MEGF6: variants seen among roughly 807,000 people sequenced by gnomAD.
MEGF6 encodes multiple EGF like domains 6, also known as multiple epidermal growth factor-like domains protein 6.
Under a neutral mutation model 207.1 loss-of-function variants are expected in MEGF6, and 184 were observed. The ratio of observed to expected loss-of-function variants is 0.89; its 90% CI spans 0.79 to 1.00. MEGF6 has a LOEUF of 1.00. Among genes scored for constraint, MEGF6 ranks in the 50% least tolerant of loss-of-function variants. The pLI is 0.00. For synonymous variants in MEGF6, 1,038 were observed against 910.0 expected (o/e 1.14, Z -2.53); for missense variants, 2,282 against 2,202.9 (o/e 1.04, Z -0.72).
chr1:3,531,694 G>A (rs1015188688), intron 4 of MEGF6, among the ~76,000 whole-genome samples: 5 of 152,206 alleles, frequency 3.3e-5, no homozygotes, highest in African/African-American at 9.7e-5. Context: ...GCACACAGGA[G>A]GTACACAGAC....
intron 8 of MEGF6, 120 bp downstream of exon 8, chr1:3,511,886 C>T (rs936001170): frequency 2.2e-5 from 34 of 1,511,774 alleles, no homozygotes; most frequent in Non-Finnish European, 2.9e-5. Flanking sequence ...AGGGCTCACA[C>T]CCAGGGCTGC....
At chr1:3,591,798 ATGGGGG>A (rs1643983653) in intron 3 of MEGF6, among the ~76,000 whole-genome samples, 1 of 76,942 alleles carries the variant, frequency 1.3e-5, no homozygotes, top group South Asian at 6.2e-4. Context: ...AAGGGACCGG[ATGGGGG>A]CACCAGCGAG....
At chr1:3,601,672 T>C (rs551689466) in intron 2 of MEGF6, among the ~76,000 whole-genome samples, 29 of 152,350 alleles carry the variant, frequency 1.9e-4, no homozygotes, top group South Asian at 6.2e-4. Flanking sequence ...GAACTGCCCC[T>C]GAGTGAGAAC....
At chr1:3,517,106 T>G (rs1641570708) in intron 5 of MEGF6, among the ~76,000 whole-genome samples, 1 of 152,186 alleles carries the variant, frequency 6.6e-6, no homozygotes, top group South Asian at 2.1e-4. Flanking sequence ...CCAGGGGCCC[T>G]GTTTATTGTG....
At chr1:3,505,395 G>GC (rs1267960629) in intron 16 of MEGF6, 27 bp downstream of exon 16, 2 of 1,520,204 alleles carry the variant, frequency 1.3e-6, no homozygotes, top group African/African-American at 3.0e-5. Flanking sequence ...GGCGCCCCCC[G>GC]CCCCCAGACC....
chr1:3,497,647 G>A (rs1483145370), intron 26 of MEGF6: 1 of 608,308 alleles, frequency 1.6e-6, no homozygotes, highest in Non-Finnish European at 3.1e-6. Flanking sequence ...AGATAGGGCT[G>A]AGAGCTCAGC....
chr1:3,586,448 G>C (rs1382984894), intron 3 of MEGF6, among the ~76,000 whole-genome samples: 1 of 152,190 alleles, frequency 6.6e-6, no homozygotes, highest in African/African-American at 2.4e-5. Flanking sequence ...GTGGGCGGCG[G>C]GTGCAGATGC....
intron 4 of MEGF6, among the ~76,000 whole-genome samples, chr1:3,541,826 C>A (rs540744055): frequency 9.9e-5 from 15 of 152,216 alleles, no homozygotes; most frequent in African/African-American, 3.4e-4. Context: ...TCCCTGGGGG[C>A]ACCGTGGGGG....
chr1:3,504,165 G>A (rs893648088), intron 17 of MEGF6, among the ~76,000 whole-genome samples: 17 of 152,176 alleles, frequency 1.1e-4, no homozygotes, highest in African/African-American at 1.4e-4. Context: ...GGCTGGCGCC[G>A]GGCTTCTCGC....
chr1:3,556,660 A>C lies in MEGF6; in HGVS notation c.481+23165T>G, dbSNP rs1380216947. On this transcript the variant is annotated intron_variant, in intron 4 of 36. Coordinates refer to ENST00000356575, the MANE Select transcript of MEGF6 (RefSeq NM_001409.4). The surrounding 1 kb of genome is among the most constrained non-coding windows in gnomAD (Gnocchi z 4.4). ...AGACGAATAGGACTGACCACCAAGC[A>C]GACTGCAGGCAGCTTAAGAGCTCCA... 2.0e-5 allele frequency among the ~76,000 whole-genome samples: 3 copies of C among 152,192 alleles called. No individual in the cohort carries two copies. The highest frequency in any genetic ancestry group is 7.2e-5 in the African/African-American group (3 of 41,450).
intron 3 of MEGF6, among the ~76,000 whole-genome samples, chr1:3,595,134 GCT>G (rs1343295598): frequency 6.6e-6 from 1 of 152,240 alleles, no homozygotes; most frequent in Non-Finnish European, 1.5e-5. Context: ...CCCGGCCCCA[GCT>G]CTCTCTTTCC....
At chr1:3,501,518 G>C (rs540212932) in intron 18 of MEGF6, among the ~76,000 whole-genome samples, 1 of 152,208 alleles carries the variant, frequency 6.6e-6, no homozygotes, top group South Asian at 2.1e-4. Context: ...CCCAGCCCCC[G>C]GCACCGTTCA....
chr1:3,492,949 G>T, intron 34 of MEGF6, 182 bp from the exon 35 acceptor site: 2 of 714,128 alleles, frequency 2.8e-6, no homozygotes, highest in Non-Finnish European at 4.5e-6. Context: ...TCCCTGCCCT[G>T]CCTTCCTCAG....
At chr1:3,522,052 C>T (rs913838820) in intron 5 of MEGF6, among the ~76,000 whole-genome samples, 2 of 152,222 alleles carry the variant, frequency 1.3e-5, no homozygotes, top group African/African-American at 4.8e-5. Flanking sequence ...CCACCTGTTC[C>T]CAGGGGGTGA....
intron 4 of MEGF6, among the ~76,000 whole-genome samples, chr1:3,533,055 A>C (rs1642225930): frequency 6.6e-6 from 1 of 152,164 alleles, no homozygotes; most frequent in African/African-American, 2.4e-5. Flanking sequence ...ACTCTCCACT[A>C]CAGCCAGGGG....
At chr1:3,567,145 C>T (rs1267930889) in intron 4 of MEGF6, among the ~76,000 whole-genome samples, 2 of 152,260 alleles carry the variant, frequency 1.3e-5, no homozygotes, top group East Asian at 3.8e-4. Flanking sequence ...AACGCCTCAC[C>T]TACCCTGCCA....
upstream of MEGF6, among the ~76,000 whole-genome samples, chr1:3,611,808 C>T (rs1570262337): frequency 6.6e-6 from 1 of 151,472 alleles, no homozygotes; most frequent in African/African-American, 2.4e-5. Flanking sequence ...GGCGCAGCCC[C>T]TTTGCGCTCC....
At chr1:3,559,392 C>T (rs985828536) in intron 4 of MEGF6, among the ~76,000 whole-genome samples, 2 of 151,992 alleles carry the variant, frequency 1.3e-5, no homozygotes, top group Non-Finnish European at 2.9e-5. Flanking sequence ...CAAGGTAGCA[C>T]ACACCTATAA....
Position 3,501,644 on chromosome 1 carries a change from C to A in MEGF6, c.2314+152G>T, listed in dbSNP as rs375494368. 1.8e-5 allele frequency: 21 copies of A among 1,193,464 alleles called. No individual in the cohort carries two copies. In the African/African-American group the frequency reaches 2.6e-4, roughly 15 times the overall value. The allele number at this position is 1,193,464 out of a possible 1,614,324, so 73.9% of individuals were successfully genotyped here. On this transcript the variant is annotated intron_variant, in intron 18 of 36. Coordinates refer to ENST00000356575, the MANE Select transcript of MEGF6 (RefSeq NM_001409.4). ...TTGGTGGGGCAGCCACAGACCCCCC[C>A]TCCCTACCCCAGGGGAGTGCACTGT...
Sources: allele counts gnomAD v4.1 joint callset (sites outside exome capture counted in the v4.1 genomes callset), GRCh38; gene constraint gnomAD v4.1.1; non-coding constraint Gnocchi (gnomAD v3.1); transcripts MANE v1.5; gene names NCBI Gene and HGNC (gene_info 2026-07-23, HGNC 2026-07-21).